The following TAOK3 variants were observed in gnomAD, a reference collection of about 807,000 sequenced individuals.
TAOK3 encodes the protein TAO kinase 3.
TAOK3 carries 40 observed loss-of-function variants against 120.4 expected under a neutral mutation model. The ratio of observed to expected loss-of-function variants is 0.33; its 90% CI spans 0.26 to 0.43. The LOEUF (loss-of-function observed/expected upper bound fraction) is 0.43, where lower values mean the gene tolerates loss of function less well. Ranked by LOEUF, TAOK3 falls within the 20% of genes least tolerant of loss-of-function variation. TAOK3 has a pLI of 1.00. For synonymous variants in TAOK3, 355 were observed against 387.5 expected (o/e 0.92, Z 0.99); for missense variants, 821 against 1,112.1 (o/e 0.74, Z 3.72).
chr12:118,251,970 C>T (rs1198470930), intron 3 of TAOK3, among the ~76,000 whole-genome samples: 13 of 152,086 alleles, frequency 8.5e-5, no homozygotes, highest in East Asian at 1.9e-4. Context: ...TACAGGCGCC[C>T]GCCACCATGC....
At chr12:118,184,806 C>T (rs1435272217) in intron 14 of TAOK3, among the ~76,000 whole-genome samples, 1 of 152,180 alleles carries the variant, frequency 6.6e-6, no homozygotes, top group Non-Finnish European at 1.5e-5. Flanking sequence ...TGGAGAAAAA[C>T]CTCATCTATC....
In TAOK3 at chr12:118,153,985, C is replaced by T. The variant is rs141142914; in HGVS notation, c.2353-1576G>A. On this transcript the variant is annotated intron_variant, in intron 19 of 20. Transcript: ENST00000392533. Reference sequence around the variant, plus strand: ...CATTAAAACCCTTAAAGAGGACAGACAGTTCTCATTTTCCCAGTAAGGAAT... The same window carrying T: ...CATTAAAACCCTTAAAGAGGACAGATAGTTCTCATTTTCCCAGTAAGGAAT... 3.8e-4 allele frequency among the ~76,000 whole-genome samples: 58 copies of T among 152,250 alleles called. No individual in the cohort carries two copies. The East Asian group carries it at 0.011, about 28-fold the overall frequency.
Position 118,160,004 on chromosome 12 carries a change from C to T in TAOK3, c.2352+142G>A, listed in dbSNP as rs1197650911. On this transcript the variant is annotated intron_variant, in intron 19 of 20. Transcript: ENST00000392533. The surrounding 1 kb of genome is among the most constrained non-coding windows in gnomAD (Gnocchi z 4.2). The stretch of plus-strand genomic sequence containing the variant: ...ACATTGGCTTGGCTTTATTCAACGT[C>T]GTCCTTTCCTCAGTCCTTTGGGCAG... The T allele has an allele frequency of 2.6e-5, 19 of 717,718 alleles. No homozygotes were observed. The highest frequency in any genetic ancestry group is 3.8e-5 in the Non-Finnish European group (16 of 420,282). The allele number at this position is 717,718 out of a possible 1,614,324, so 44.5% of individuals were successfully genotyped here.
intron 1 of TAOK3, among the ~76,000 whole-genome samples, chr12:118,314,411 T>C (rs909069602): frequency 5.9e-5 from 9 of 152,144 alleles, no homozygotes; most frequent in African/African-American, 1.7e-4. Flanking sequence ...TAAAACAATA[T>C]CGTGAATTAA....
intron 9 of TAOK3, among the ~76,000 whole-genome samples, chr12:118,224,164 A>G (rs888675953): frequency 6.6e-6 from 1 of 152,188 alleles, no homozygotes; most frequent in Admixed American, 6.5e-5. Flanking sequence ...AAACCAAATC[A>G]CATAGTGTTT....
At chr12:118,273,577 G>T (rs1181129384) in intron 1 of TAOK3, among the ~76,000 whole-genome samples, 1 of 152,270 alleles carries the variant, frequency 6.6e-6, no homozygotes, top group East Asian at 1.9e-4. Context: ...CACTTTGGGA[G>T]GCTGAGGCAG....
chr12:118,152,408 A>G lies in TAOK3; in HGVS notation c.2354T>C (p.Leu785Ser). Residue 785 changes from leucine (L) to serine (S), a missense_variant and splice_region_variant, in exon 20 of 21, where the codon TTA becomes TCA. Leu to Ser is a moderately radical substitution (Grantham distance 145). Coordinates refer to ENST00000392533, the MANE Select transcript of TAOK3 (RefSeq NM_016281.4). The part of the protein sequence containing the change: ...SINEMMASQA[L>S]RLDEAQEAEC... ...TGCTTCTTGAGCCTCATCTAGCCGT[A>G]ACTGCGGACACAGAAGACACACACG... The G allele has an allele frequency of 1.2e-6, 2 of 1,609,662 alleles. No homozygotes were observed. Among genetic ancestry groups the G allele is most frequent in the Non-Finnish European group, 1.7e-6 (2 of 1,178,648 alleles).
Position 118,341,244 on chromosome 12 carries a change from G to A in TAOK3, c.-194+31404C>T, listed in dbSNP as rs191963481. Among the ~76,000 whole-genome samples, 31 of 152,010 alleles carry A rather than the reference G, an allele frequency of 2.0e-4. 1 individual carries two copies. Among genetic ancestry groups the A allele is most frequent in the African/African-American group, 6.3e-4 (26 of 41,456 alleles). On this transcript the variant is annotated intron_variant, in intron 1 of 20. Transcript: ENST00000392533. Reference sequence around the variant, plus strand: ...TCAAACATCTGACCTCAAGTGATCCGCCTGCCTCGGCTTCCCAAAGTGCTG... The same window carrying A: ...TCAAACATCTGACCTCAAGTGATCCACCTGCCTCGGCTTCCCAAAGTGCTG...
Position 118,232,862 on chromosome 12 carries a change from G to A in TAOK3, c.643+812C>T, listed in dbSNP as rs370656323. Among the ~76,000 whole-genome samples, 44 of 152,180 alleles carry A rather than the reference G, an allele frequency of 2.9e-4. No individual in the cohort carries two copies. The South Asian group carries it at 6.4e-3, about 22-fold the overall frequency. On this transcript the variant is annotated intron_variant, in intron 9 of 20. Transcript: ENST00000392533. The stretch of plus-strand genomic sequence containing the variant: ...GGAGGTTGCAATGAGCCGAGATTGT[G>A]CCACTGCACTCCAGCCTGGGTAACA...
At chr12:118,240,083 G>A (rs531581937) in intron 5 of TAOK3, among the ~76,000 whole-genome samples, 4 of 152,198 alleles carry the variant, frequency 2.6e-5, no homozygotes, top group East Asian at 1.9e-4. Context: ...ACGGAGAATC[G>A]CTGGAACTCG....
chr12:118,202,416 T>G (rs2038069471), intron 11 of TAOK3, among the ~76,000 whole-genome samples: 1 of 152,060 alleles, frequency 6.6e-6, no homozygotes, highest in Non-Finnish European at 1.5e-5. Flanking sequence ...TAACATTTTG[T>G]TTTTTGGGTT....
chr12:118,243,025 T>C (rs188158926), intron 5 of TAOK3, among the ~76,000 whole-genome samples: 74 of 151,960 alleles, frequency 4.9e-4, no homozygotes, highest in African/African-American at 1.3e-3. Context: ...TTGGTAAAAA[T>C]CACATAGCAA....
intron 1 of TAOK3, among the ~76,000 whole-genome samples, chr12:118,329,663 C>T (rs1593567929): frequency 6.6e-6 from 1 of 152,178 alleles, no homozygotes; most frequent in Non-Finnish European, 1.5e-5. Flanking sequence ...CTAGGAAGGT[C>T]ATTCTCTGTG....
At chr12:118,155,605 T>C (rs984793857) in intron 19 of TAOK3, among the ~76,000 whole-genome samples, 1 of 152,198 alleles carries the variant, frequency 6.6e-6, no homozygotes, top group Admixed American at 6.5e-5. Flanking sequence ...ACTTGCCACA[T>C]GGTAAGTAGT....
intron 2 of TAOK3, among the ~76,000 whole-genome samples, chr12:118,258,657 A>T (rs2041095180): frequency 6.6e-6 from 1 of 151,858 alleles, no homozygotes; most frequent in Non-Finnish European, 1.5e-5. Context: ...GGTTGCAGTG[A>T]GCCGAGATCG....
intron 9 of TAOK3, among the ~76,000 whole-genome samples, chr12:118,218,164 A>C (rs1217299051): frequency 6.6e-6 from 1 of 151,900 alleles, no homozygotes; most frequent in Non-Finnish European, 1.5e-5. Context: ...TATACTTACC[A>C]AACAGATACT....
In TAOK3 at chr12:118,255,628, T is replaced by C; in HGVS notation, c.-61A>G. Reference sequence around the variant, plus strand: ...AGTTAGCTTTATTTCTCATTGACAATTTTTTTTGGGGGGTAAATCTTCAGT... The same window carrying C: ...AGTTAGCTTTATTTCTCATTGACAACTTTTTTTGGGGGGTAAATCTTCAGT... On this transcript the variant is annotated 5_prime_UTR_variant, in exon 3 of 21. Transcript: ENST00000392533. The C allele has an allele frequency of 6.7e-7, 1 of 1,486,896 alleles. No homozygotes were observed. Among genetic ancestry groups the C allele is most frequent in the Non-Finnish European group, 9.0e-7 (1 of 1,109,072 alleles). 92.1% of individuals were successfully genotyped at this position (1,486,896 alleles called of 1,614,324 possible).
At chr12:118,363,032 A>AAAT (rs2045646637) in intron 1 of TAOK3, among the ~76,000 whole-genome samples, 1 of 150,444 alleles carries the variant, frequency 6.6e-6, no homozygotes, top group Non-Finnish European at 1.5e-5. Flanking sequence ...AAAAAAAAAA[A>AAAT]AAAAAAAAAA....
intron 13 of TAOK3, among the ~76,000 whole-genome samples, chr12:118,194,690 C>T (rs1332499890): frequency 7.2e-6 from 1 of 139,842 alleles, no homozygotes; most frequent in African/African-American, 2.7e-5. Flanking sequence ...GGGAAAAGAA[C>T]TAACATTGAC....
Sources: allele counts gnomAD v4.1 joint callset (sites outside exome capture counted in the v4.1 genomes callset), GRCh38; gene constraint gnomAD v4.1.1; non-coding constraint Gnocchi (gnomAD v3.1); transcripts MANE v1.5; gene names NCBI Gene and HGNC (gene_info 2026-07-23, HGNC 2026-07-21).